The following SLC44A5 variants were observed in gnomAD, a reference collection of about 807,000 sequenced individuals.
SLC44A5 encodes the protein solute carrier family 44 member 5.
Under a neutral mutation model 101.8 loss-of-function variants are expected in SLC44A5, and 57 were observed. The observed-to-expected ratio is 0.56, with a 90% CI of 0.45 to 0.70. SLC44A5 has a LOEUF of 0.70. Ranked by LOEUF, SLC44A5 falls within the 30% of genes least tolerant of loss-of-function variation. The probability of loss-of-function intolerance (pLI) is 0.00; values close to 1 mark genes in which losing one functional copy is unlikely to be tolerated. For synonymous variants in SLC44A5, 281 were observed against 290.9 expected (o/e 0.97, Z 0.35); for missense variants, 737 against 853.1 (o/e 0.86, Z 1.70).
the SLC44A5 span, among the ~76,000 whole-genome samples, chr1:75,619,453 G>A: frequency 6.6e-6 from 1 of 152,122 alleles, no homozygotes; most frequent in South Asian, 2.1e-4. Context: ...AGGATGCCTT[G>A]TGGGAATGAA....
At chr1:75,279,876 A>G (rs1427743816) in intron 5 of SLC44A5, among the ~76,000 whole-genome samples, 2 of 151,698 alleles carry the variant, frequency 1.3e-5, no homozygotes, top group South Asian at 2.1e-4. Context: ...ATTCTACCCA[A>G]TGTGTAGTAT....
intron 2 of SLC44A5, among the ~76,000 whole-genome samples, chr1:75,401,811 T>C (rs1295612505): frequency 1.3e-5 from 2 of 152,086 alleles, no homozygotes; most frequent in African/African-American, 4.8e-5. Context: ...AAAAATTTGC[T>C]GCTGAGTCCA....
chr1:75,591,854 A>G (rs1674374088), intron 1 of SLC44A5, among the ~76,000 whole-genome samples: 1 of 152,022 alleles, frequency 6.6e-6, no homozygotes, highest in African/African-American at 2.4e-5. Context: ...AAAACCTCCA[A>G]AAACTGGTGA....
chr1:75,568,191 A>G (rs1672888216), intron 1 of SLC44A5, among the ~76,000 whole-genome samples: 1 of 152,202 alleles, frequency 6.6e-6, no homozygotes, highest in Non-Finnish European at 1.5e-5. Context: ...ACTGTAACGT[A>G]TAATTTGTGG....
At chr1:75,206,506 C>T (rs1335725770) in intron 23 of SLC44A5, 1 of 793,482 alleles carries the variant, frequency 1.3e-6, no homozygotes, top group Non-Finnish European at 2.1e-6. Flanking sequence ...TAGAATTAAG[C>T]ACAGAAATTT....
chr1:75,722,055 G>A, the SLC44A5 span, among the ~76,000 whole-genome samples: 1 of 152,146 alleles, frequency 6.6e-6, no homozygotes. Context: ...GAGACATATA[G>A]CTAAAGTATT....
the SLC44A5 span, among the ~76,000 whole-genome samples, chr1:75,635,241 G>A: frequency 1.3e-5 from 2 of 151,524 alleles, no homozygotes; most frequent in Non-Finnish European, 1.5e-5. Context: ...CATTGTGGAA[G>A]TCAGTGTGGC....
At chr1:75,361,782 A>G (rs1659504553) in intron 3 of SLC44A5, among the ~76,000 whole-genome samples, 1 of 152,084 alleles carries the variant, frequency 6.6e-6, no homozygotes, top group Non-Finnish European at 1.5e-5. Context: ...ATTTATGTTT[A>G]TCAGAGATAA....
At chr1:75,489,165 A>T (rs1009613871) in intron 2 of SLC44A5, among the ~76,000 whole-genome samples, 1 of 152,164 alleles carries the variant, frequency 6.6e-6, no homozygotes, top group Non-Finnish European at 1.5e-5. Flanking sequence ...CTGTTCTCCA[A>T]TCCAAAATAA....
intron 4 of SLC44A5, among the ~76,000 whole-genome samples, chr1:75,332,143 T>C (rs1051985143): frequency 5.9e-5 from 9 of 152,178 alleles, no homozygotes; most frequent in African/African-American, 2.2e-4. Flanking sequence ...AGATGCTCTA[T>C]GAAAAATGCC....
chr1:75,516,364 A>T (rs1316971981), intron 2 of SLC44A5, among the ~76,000 whole-genome samples: 1 of 152,122 alleles, frequency 6.6e-6, no homozygotes, highest in East Asian at 1.9e-4. Flanking sequence ...AATACAAAAA[A>T]TTAGCCGGGC....
chr1:75,696,494 T>TAAAATTGAGAA, the SLC44A5 span, among the ~76,000 whole-genome samples: 1 of 152,192 alleles, frequency 6.6e-6, no homozygotes, highest in African/African-American at 2.4e-5. Flanking sequence ...ATTCAGTAAC[T>TAAAATTGAGAA]AAAATTGAGA....
At chr1:75,608,915 C>A (rs764618674) in intron 1 of SLC44A5, among the ~76,000 whole-genome samples, 3 of 151,708 alleles carry the variant, frequency 2.0e-5, no homozygotes, top group Non-Finnish European at 4.4e-5. Context: ...TCTGTCATGG[C>A]ACTTTTCAAT....
intron 3 of SLC44A5, among the ~76,000 whole-genome samples, chr1:75,392,616 T>C (rs1661865565): frequency 6.6e-6 from 1 of 152,094 alleles, no homozygotes. Context: ...GAAGCAAAAA[T>C]AGAACTACTG....
intron 4 of SLC44A5, among the ~76,000 whole-genome samples, chr1:75,337,094 G>T (rs1411778918): frequency 1.3e-5 from 2 of 152,138 alleles, no homozygotes; most frequent in Admixed American, 1.3e-4. Context: ...TTTGTCTCAA[G>T]TGTAATAATG....
chr1:75,591,078 G>A (rs1333327988), intron 1 of SLC44A5, among the ~76,000 whole-genome samples: 3 of 152,294 alleles, frequency 2.0e-5, no homozygotes, highest in Non-Finnish European at 2.9e-5. Context: ...AGAACAGAGA[G>A]AGACTGTATG....
At chr1:75,670,997 C>T in the SLC44A5 span, among the ~76,000 whole-genome samples, 3 of 152,114 alleles carry the variant, frequency 2.0e-5, no homozygotes, top group African/African-American at 4.8e-5. Context: ...AAGCACTGCA[C>T]GTAACATAGG....
intron 3 of SLC44A5, among the ~76,000 whole-genome samples, chr1:75,358,531 A>C (rs1250081267): frequency 6.6e-6 from 1 of 152,198 alleles, no homozygotes; most frequent in Non-Finnish European, 1.5e-5. Flanking sequence ...TACTACAATC[A>C]TACTAATTAA....
At chr1:75,454,960 A>G (rs1272518681) in intron 2 of SLC44A5, among the ~76,000 whole-genome samples, 8 of 152,142 alleles carry the variant, frequency 5.3e-5, no homozygotes, top group Non-Finnish European at 1.0e-4. Context: ...GCCCAAAGCA[A>G]TCTACAGATT....
Sources: allele counts gnomAD v4.1 joint callset (sites outside exome capture counted in the v4.1 genomes callset), GRCh38; gene constraint gnomAD v4.1.1; transcripts MANE v1.5; gene names NCBI Gene and HGNC (gene_info 2026-07-23, HGNC 2026-07-21).